RHOH: variants seen among roughly 807,000 people sequenced by gnomAD.
The protein encoded by RHOH is rho-related GTP-binding protein RhoH.
RHOH carries 6 observed loss-of-function variants against 13.8 expected under a neutral mutation model. The ratio of observed to expected loss-of-function variants is 0.44; its 90% CI spans 0.24 to 0.86. The LOEUF (loss-of-function observed/expected upper bound fraction) is 0.86. RHOH is among the 40% of genes least tolerant of loss of function. The pLI, the probability that RHOH is intolerant of heterozygous loss-of-function variation, is 0.24. For missense variants in RHOH, 147 were observed against 244.5 expected, an observed-to-expected ratio of 0.60 and a Z score of 2.66; for synonymous variants, 117 against 103.0, an observed-to-expected ratio of 1.14 and a Z score of -0.82.
chr4:40,238,306 C>A (rs1398733801), intron 1 of RHOH, among the ~76,000 whole-genome samples: 1 of 152,194 alleles, frequency 6.6e-6, no homozygotes, highest in Non-Finnish European at 1.5e-5. Context: ...GCAGGTCTTT[C>A]CAGCCAATAG....
intron 1 of RHOH, among the ~76,000 whole-genome samples, chr4:40,236,616 C>G (rs1728604231): frequency 7.6e-6 from 1 of 131,862 alleles, no homozygotes; most frequent in African/African-American, 2.5e-5. Context: ...TGGTGAAACC[C>G]CATCTCAACT....
At chr4:40,213,360 CTTTTT>C in intron 1 of RHOH, among the ~76,000 whole-genome samples, 1 of 144,010 alleles carries the variant, frequency 6.9e-6, no homozygotes, top group East Asian at 2.0e-4. Flanking sequence ...TCTCGTTTCT[CTTTTT>C]TTTTTTTTCT....
At chr4:40,237,053 A>G (rs1285475171) in intron 1 of RHOH, among the ~76,000 whole-genome samples, 2 of 152,228 alleles carry the variant, frequency 1.3e-5, no homozygotes, top group Non-Finnish European at 2.9e-5. Flanking sequence ...TATTTGTTAG[A>G]TAGTGAAAAC....
rs1728788346 is a variant in RHOH at position 40,238,022 on chromosome 4, ATTG to A, written c.-330-4689_-330-4687del. ...AAGTACAAACGGAAATTATTTCTGT[ATTG>A]TTATCATTTCCACCTGATCCGTATG... On this transcript the variant is annotated intron_variant, in intron 1 of 2. Coordinates refer to ENST00000381799, the MANE Select transcript of RHOH (RefSeq NM_004310.5). Among the ~76,000 whole-genome samples the A allele has an allele frequency of 3.9e-5, 6 of 152,326 alleles. No homozygotes were observed. The South Asian group carries it at 1.2e-3, about 32-fold the overall frequency.
rs1281900135 is a variant in RHOH, at chr4:40,245,322, G to C, written c.*1360G>C. ...GGAGGCTGAGACGGGTGGATCACGA[G>C]GCCAGGAGTTCAAGACCAGCCTGGC... On this transcript the variant is annotated 3_prime_UTR_variant, in exon 3 of 3. Transcript: ENST00000381799. 1 of 152,032 alleles carries C rather than the reference G, an allele frequency of 6.6e-6. No homozygotes were observed. 9.4% of individuals were successfully genotyped at this position (152,032 alleles called of 1,614,324 possible).
intron 1 of RHOH, among the ~76,000 whole-genome samples, chr4:40,232,681 A>T (rs779875957): frequency 5.3e-5 from 8 of 152,104 alleles, no homozygotes; most frequent in Non-Finnish European, 8.8e-5. Context: ...GGATTGTATA[A>T]AATCACAGGC....
rs576482237 is a variant in RHOH, at chr4:40,222,063, A to G, written c.-330-20651A>G. On this transcript the variant is annotated intron_variant, in intron 1 of 2. Transcript: ENST00000381799. ...CAAGGCCCTAACTTGCTTCAATTCTATGAAGGTTGAATGAAGTGAGGAAGC... is the reference window on the plus strand; with the variant it reads ...CAAGGCCCTAACTTGCTTCAATTCTGTGAAGGTTGAATGAAGTGAGGAAGC... 8.5e-5 allele frequency among the ~76,000 whole-genome samples: 13 copies of G among 152,322 alleles called. No individual in the cohort carries two copies. In the South Asian group the frequency reaches 2.5e-3, roughly 29 times the overall value.
At chr4:40,196,461 G>A (rs1579212694), upstream of RHOH, among the ~76,000 whole-genome samples, 1 of 152,148 alleles carries the variant, frequency 6.6e-6, no homozygotes, top group African/African-American at 2.4e-5. Context: ...ACAACTCATC[G>A]CCAGGTAACT....
At chr4:40,207,786 G>C (rs1724820795) in intron 1 of RHOH, among the ~76,000 whole-genome samples, 1 of 152,126 alleles carries the variant, frequency 6.6e-6, no homozygotes, top group Admixed American at 6.5e-5. Context: ...GGCCAACATA[G>C]TGAAACCTGG....
At chr4:40,209,405 C>A (rs1465176630) in intron 1 of RHOH, 1 of 152,076 alleles carries the variant, frequency 6.6e-6, no homozygotes, top group African/African-American at 2.4e-5. Flanking sequence ...ACGATTATTT[C>A]TACATTTTAA....
upstream of RHOH, among the ~76,000 whole-genome samples, chr4:40,196,325 T>TGGGTTA (rs1349940069): frequency 1.3e-5 from 2 of 152,232 alleles, no homozygotes; most frequent in Non-Finnish European, 2.9e-5. Flanking sequence ...TTCAATTTGT[T>TGGGTTA]GGGTTAGGCG....
At chr4:40,201,168 A>T (rs538268349) in intron 1 of RHOH, among the ~76,000 whole-genome samples, 16 of 152,318 alleles carry the variant, frequency 1.1e-4, no homozygotes, top group Non-Finnish European at 1.9e-4. Context: ...ACATGACCTC[A>T]TGGAAAAAAG....
At chr4:40,203,162 C>T (rs781412744) in intron 1 of RHOH, among the ~76,000 whole-genome samples, 38 of 152,180 alleles carry the variant, frequency 2.5e-4, no homozygotes, top group Non-Finnish European at 4.4e-4. Context: ...TTAGTTGAGA[C>T]GGAGTTTCAC....
intron 1 of RHOH, among the ~76,000 whole-genome samples, chr4:40,213,548 G>A (rs1725535639): frequency 6.6e-6 from 1 of 151,772 alleles, no homozygotes; most frequent in Non-Finnish European, 1.5e-5. Flanking sequence ...TCCTTGTTAG[G>A]GTCTGGTTAA....
upstream of RHOH, among the ~76,000 whole-genome samples, chr4:40,192,523 T>C (rs1004864585): frequency 6.6e-6 from 1 of 152,228 alleles, no homozygotes; most frequent in Non-Finnish European, 1.5e-5. Context: ...ACAACACCTT[T>C]GCAATGAGCA....
intron 1 of RHOH, among the ~76,000 whole-genome samples, chr4:40,198,740 G>A (rs1723564596): frequency 6.6e-6 from 1 of 152,160 alleles, no homozygotes; most frequent in South Asian, 2.1e-4. Flanking sequence ...AATTAAAGTG[G>A]CCTTCCTCTT....
At chr4:40,226,540 A>AAAAAG (rs1727270405) in intron 1 of RHOH, among the ~76,000 whole-genome samples, 1 of 138,002 alleles carries the variant, frequency 7.2e-6, no homozygotes, top group Non-Finnish European at 1.5e-5. Context: ...AAAAAAAAAA[A>AAAAAG]AAAAAGAAAA....
chr4:40,243,153 T>C lies in RHOH; in HGVS notation c.-209-25T>C. The C allele has an allele frequency of 2.3e-6, 1 of 429,750 alleles. No individual in the cohort carries two copies. The highest frequency in any genetic ancestry group is 6.7e-5 in the South Asian group (1 of 14,950). 26.6% of individuals were successfully genotyped at this position (429,750 alleles called of 1,614,324 possible). A position where few individuals can be genotyped will look rare whatever the true frequency, so the allele number is the denominator to read the frequency against. ...GGCAAGAAAGAAAGAAAGACTTCAT[T>C]TTCCCCCTTCTCTTTCTGTTCCAGT... On this transcript the variant is annotated intron_variant, in intron 2 of 2. Coordinates refer to ENST00000381799, the MANE Select transcript of RHOH (RefSeq NM_004310.5). The surrounding 1 kb of genome is among the most constrained non-coding windows in gnomAD (Gnocchi z 6.2).
intron 1 of RHOH, among the ~76,000 whole-genome samples, chr4:40,219,234 A>G (rs1000895886): frequency 6.6e-6 from 1 of 152,102 alleles, no homozygotes; most frequent in African/African-American, 2.4e-5. Flanking sequence ...CAACATGGTG[A>G]AACTCCATCT....
Sources: gnomAD v4.1 joint callset for allele counts (sites outside exome capture counted in the v4.1 genomes callset) on GRCh38, gnomAD v4.1.1 for gene constraint, Gnocchi (gnomAD v3.1) non-coding constraint, MANE v1.5 for transcripts, NCBI Gene and HGNC (gene_info 2026-07-23, HGNC 2026-07-21) for gene names.